The following SOX5 variants were observed in gnomAD, a reference collection of about 807,000 sequenced individuals.
SOX5 encodes the protein SRY-box transcription factor 5, also known as transcription factor SOX-5.
A neutral mutation model predicts 92.0 loss-of-function variants in SOX5; 9 were observed. The ratio of observed to expected loss-of-function variants is 0.10; its 90% CI spans 0.06 to 0.17. The LOEUF (loss-of-function observed/expected upper bound fraction) is 0.17, where lower values mean the gene tolerates loss of function less well. Ranked by LOEUF, SOX5 falls within the 10% of genes least tolerant of loss-of-function variation. SOX5 has a pLI of 1.00. For missense variants in SOX5, 642 were observed against 944.5 expected (o/e 0.68, Z 4.20); for synonymous variants, 344 against 336.3 (o/e 1.02, Z -0.25).
chr12:24,461,063 T>TTTATGTATG (rs1447531415), intron 1 of SOX5, among the ~76,000 whole-genome samples: 1 of 152,200 alleles, frequency 6.6e-6, no homozygotes, highest in East Asian at 1.9e-4. Flanking sequence ...TTGTCACATA[T>TTTATGTATG]TTATGTATGT....
chr12:24,510,603 A>G (rs986285205), intron 1 of SOX5, among the ~76,000 whole-genome samples: 1 of 152,252 alleles, frequency 6.6e-6, no homozygotes, highest in African/African-American at 2.4e-5. Context: ...AAAAGCTATC[A>G]GAAACACATG....
At chr12:24,269,587 G>A (rs1348748814) in intron 3 of SOX5, among the ~76,000 whole-genome samples, 1 of 151,428 alleles carries the variant, frequency 6.6e-6, no homozygotes, top group Non-Finnish European at 1.5e-5. Flanking sequence ...CAAAATATAT[G>A]TAAACGTCCA....
Position 23,534,131 on chromosome 12 carries a change from G to T in SOX5, c.*88C>A. ...ACAGTTAAAGTAACAGTCAGTGTAT[G>T]AGAAAGTTAATGTGCTTGGCCACTG... On this transcript the variant is annotated 3_prime_UTR_variant, in exon 15 of 15. Transcript: ENST00000451604. 1 of 1,071,944 alleles carries T rather than the reference G, an allele frequency of 9.3e-7. No individual in the cohort carries two copies. The allele number at this position is 1,071,944 out of a possible 1,614,324, so 66.4% of individuals were successfully genotyped here.
Position 24,327,983 on chromosome 12 carries a change from C to T in SOX5, c.-174+40580G>A, listed in dbSNP as rs188867702. Reference sequence around the variant, plus strand: ...TTGGAATTAGAGGCATGAACCACCGCACCCAGCCGCAATAGAGACTTTTGA... The same window carrying T: ...TTGGAATTAGAGGCATGAACCACCGTACCCAGCCGCAATAGAGACTTTTGA... On this transcript the variant is annotated intron_variant, in intron 2 of 4. Transcript: ENST00000446891. 4.9e-4 allele frequency among the ~76,000 whole-genome samples: 74 copies of T among 152,240 alleles called. 1 individual carries two copies. The highest frequency in any genetic ancestry group is 2.6e-4 in the Admixed American group (4 of 15,278).
chr12:24,382,545 T>C (rs868711234), intron 1 of SOX5, among the ~76,000 whole-genome samples: 4 of 152,206 alleles, frequency 2.6e-5, no homozygotes, highest in African/African-American at 7.2e-5. Context: ...TAGGAAGCCA[T>C]TGGAGGTCAC....
chr12:24,222,592 C>T (rs1285341285), intron 3 of SOX5, among the ~76,000 whole-genome samples: 4 of 151,822 alleles, frequency 2.6e-5, no homozygotes, highest in Admixed American at 2.0e-4. Flanking sequence ...CATGTAAAAG[C>T]GATATATCTA....
chr12:24,399,755 A>G (rs1044799017), intron 1 of SOX5, among the ~76,000 whole-genome samples: 4 of 152,252 alleles, frequency 2.6e-5, no homozygotes, highest in African/African-American at 9.6e-5. Context: ...AAATGCGGAA[A>G]CAATTCCAAA....
chr12:23,660,464 C>T (rs2082888787), intron 7 of SOX5, among the ~76,000 whole-genome samples: 1 of 152,150 alleles, frequency 6.6e-6, no homozygotes, highest in East Asian at 1.9e-4. Flanking sequence ...CAGGCTCTCT[C>T]CTTCAAAGTA....
chr12:24,043,168 A>T (rs1254492804), intron 4 of SOX5, among the ~76,000 whole-genome samples: 4 of 152,216 alleles, frequency 2.6e-5, no homozygotes, highest in Admixed American at 2.6e-4. Context: ...GTAGAAAGGA[A>T]GTAATTGTTT....
chr12:24,343,856 C>T (rs1192967613), intron 2 of SOX5, among the ~76,000 whole-genome samples: 4 of 151,990 alleles, frequency 2.6e-5, no homozygotes, highest in Non-Finnish European at 4.4e-5. Flanking sequence ...ATGCTGTAGC[C>T]AGAAAGCCGA....
intron 1 of SOX5, among the ~76,000 whole-genome samples, chr12:24,429,889 G>A (rs567105142): frequency 4.1e-4 from 63 of 152,146 alleles, no homozygotes; most frequent in Non-Finnish European, 3.4e-4. Context: ...TGACCATGGC[G>A]TTTTCACCTA....
chr12:24,017,269 A>G (rs1171762300), intron 4 of SOX5, among the ~76,000 whole-genome samples: 2 of 152,292 alleles, frequency 1.3e-5, no homozygotes, highest in East Asian at 3.9e-4. Context: ...CCTCTTCTGC[A>G]CATCTAACCT....
chr12:23,694,538 A>C lies in SOX5; in HGVS notation c.811-28974T>G, dbSNP rs375053506. Among the ~76,000 whole-genome samples, 20 of 152,300 alleles carry C rather than the reference A, an allele frequency of 1.3e-4. No individual in the cohort carries two copies. In the East Asian group the frequency reaches 3.9e-3, roughly 29 times the overall value. On this transcript the variant is annotated intron_variant, in intron 6 of 14. Transcript: ENST00000451604. ...GGGGCTTAACCCATTAATCAAAATA[A>C]AATTTTTTGGAGTCAGCTTTACAGA...
At chr12:24,512,957 A>G (rs1005394032) in intron 1 of SOX5, among the ~76,000 whole-genome samples, 2 of 152,214 alleles carry the variant, frequency 1.3e-5, no homozygotes, top group African/African-American at 4.8e-5. Context: ...ACGATTTCCA[A>G]TTTATGATGG....
At position 23,717,511 on chromosome 12, in the gene SOX5, G is replaced by A. The variant is rs12311996; in HGVS notation, c.810+17173C>T. 7.6e-4 allele frequency among the ~76,000 whole-genome samples: 115 copies of A among 152,242 alleles called. 1 individual carries two copies. The highest frequency in any genetic ancestry group is 2.5e-3 in the African/African-American group (105 of 41,528). Reference sequence around the variant, plus strand: ...AAATAGTGAGCAGAAAACAGGCCTGGAGCATTTCTCACCATCATGTTTATT... The same window carrying A: ...AAATAGTGAGCAGAAAACAGGCCTGAAGCATTTCTCACCATCATGTTTATT... On this transcript the variant is annotated intron_variant, in intron 6 of 14. Coordinates refer to ENST00000451604, the MANE Select transcript of SOX5 (RefSeq NM_006940.6).
At chr12:23,838,433 G>C (rs2096463348) in intron 3 of SOX5, among the ~76,000 whole-genome samples, 2 of 151,564 alleles carry the variant, frequency 1.3e-5, no homozygotes, top group African/African-American at 4.8e-5. Context: ...TTATAGTTTT[G>C]TATATTCAAA....
chr12:24,210,606 GTAAC>G (rs1594297215), intron 4 of SOX5, among the ~76,000 whole-genome samples: 1 of 152,166 alleles, frequency 6.6e-6, no homozygotes, highest in African/African-American at 2.4e-5. Context: ...GCTGTGCCAA[GTAAC>G]TAACTGAATG....
At chr12:24,327,115 T>C (rs1449089443) in intron 2 of SOX5, among the ~76,000 whole-genome samples, 3 of 152,216 alleles carry the variant, frequency 2.0e-5, no homozygotes, top group African/African-American at 4.8e-5. Flanking sequence ...AGGACATTGA[T>C]AGAAATTTAA....
rs191690399 is a variant in SOX5 at position 23,568,617 on chromosome 12, C to T, written c.1343-5214G>A. ...ATCATCTTTCCATGGCCTCAGTCCC[C>T]TCTTTCTATATTCCATAGACCTTGT... On this transcript the variant is annotated intron_variant, in intron 10 of 14. Transcript: ENST00000451604. 3.3e-3 allele frequency among the ~76,000 whole-genome samples: 508 copies of T among 152,206 alleles called. 3 individuals are homozygous for T. Among genetic ancestry groups the T allele is most frequent in the Admixed American group, 8.0e-3 (122 of 15,294 alleles).
Sources: allele counts gnomAD v4.1 joint callset (sites outside exome capture counted in the v4.1 genomes callset), GRCh38; gene constraint gnomAD v4.1.1; transcripts MANE v1.5; gene names NCBI Gene and HGNC (gene_info 2026-07-23, HGNC 2026-07-21).